The following EPB41L5 variants were observed in gnomAD, a reference collection of about 807,000 sequenced individuals.
EPB41L5 encodes band 4.1-like protein 5.
EPB41L5 carries 55 observed loss-of-function variants against 106.6 expected under a neutral mutation model. The ratio of observed to expected loss-of-function variants is 0.52; its 90% confidence interval spans 0.42 to 0.65. The LOEUF (loss-of-function observed/expected upper bound fraction) is 0.65. Ranked by LOEUF, EPB41L5 falls within the 30% of genes least tolerant of loss-of-function variation. The pLI is 0.00. For missense variants in EPB41L5, 871 were observed against 882.1 expected (o/e 0.99, Z 0.16); for synonymous variants, 297 against 306.7 (o/e 0.97, Z 0.33).
At chr2:120,145,594 G>A (rs1378136745) in intron 19 of EPB41L5, among the ~76,000 whole-genome samples, 1 of 152,090 alleles carries the variant, frequency 6.6e-6, no homozygotes, top group Non-Finnish European at 1.5e-5. Flanking sequence ...CATGATGTTG[G>A]CTAAACACTT....
intron 20 of EPB41L5, among the ~76,000 whole-genome samples, chr2:120,155,878 A>G (rs959583812): frequency 3.9e-5 from 6 of 151,926 alleles, no homozygotes; most frequent in South Asian, 4.1e-4. Flanking sequence ...TCCGGCCCCC[A>G]GCGACTCCAA....
chr2:120,116,198 T>G (rs1019415157), intron 16 of EPB41L5, among the ~76,000 whole-genome samples: 4 of 152,230 alleles, frequency 2.6e-5, no homozygotes, highest in Non-Finnish European at 4.4e-5. Context: ...ATGTAAACTT[T>G]GCTTCTATAG....
At chr2:120,098,156 TTGTGTG>T (rs60975047) in intron 14 of EPB41L5, among the ~76,000 whole-genome samples, 12 of 133,664 alleles carry the variant, frequency 9.0e-5, no homozygotes, top group African/African-American at 2.9e-4. Flanking sequence ...ATTGTTTGTT[TTGTGTG>T]TGTGTGTGTG....
chr2:120,086,990 A>G (rs1483427569), intron 10 of EPB41L5, among the ~76,000 whole-genome samples, 181 bp from the exon 11 acceptor site: 1 of 152,128 alleles, frequency 6.6e-6, no homozygotes, highest in Non-Finnish European at 1.5e-5. Context: ...TTGCTTTTGA[A>G]ATATGTACTG....
At chr2:120,115,519 G>A (rs780840071) in intron 16 of EPB41L5, among the ~76,000 whole-genome samples, 1 of 151,650 alleles carries the variant, frequency 6.6e-6, no homozygotes, top group Non-Finnish European at 1.5e-5. Context: ...CTGAGTAGCT[G>A]GGATTACAGG....
At position 120,059,561 on chromosome 2, in the gene EPB41L5, A is replaced by G. The variant is rs543594986; in HGVS notation, c.286-13617A>G. On this transcript the variant is annotated intron_variant, in intron 3 of 24. Coordinates refer to ENST00000263713, the MANE Select transcript of EPB41L5 (RefSeq NM_020909.4). ...GAAGCTAAGCTACAGACTGGGAGAA[A>G]GTATTCGTATATCACACATCTGACC... 2.6e-5 allele frequency among the ~76,000 whole-genome samples: 4 copies of G among 152,328 alleles called. No homozygotes were observed. In the South Asian group the frequency reaches 8.3e-4, roughly 32 times the overall value.
chr2:120,143,161 G>A (rs373448777), intron 19 of EPB41L5, 30 bp downstream of exon 19: 2 of 1,533,634 alleles, frequency 1.3e-6, no homozygotes, highest in Non-Finnish European at 1.7e-6. Flanking sequence ...TAGCCCTGGT[G>A]AAGTGAAATG....
intron 18 of EPB41L5, among the ~76,000 whole-genome samples, chr2:120,140,538 G>A (rs1245383897): frequency 1.3e-5 from 2 of 151,990 alleles, no homozygotes; most frequent in Non-Finnish European, 2.9e-5. Flanking sequence ...TAGTCAACTT[G>A]AGTAGAAGTT....
intron 16 of EPB41L5, among the ~76,000 whole-genome samples, chr2:120,122,122 G>T (rs1303541300): frequency 6.6e-6 from 1 of 152,150 alleles, no homozygotes; most frequent in Admixed American, 6.5e-5. Flanking sequence ...CCATTCTGTA[G>T]GTTGCCTGTT....
intron 3 of EPB41L5, 74 bp downstream of exon 3, chr2:120,042,184 A>G (rs573434539): frequency 2.7e-6 from 3 of 1,114,546 alleles, no homozygotes; most frequent in African/African-American, 3.1e-5. Flanking sequence ...ACTAATTGCT[A>G]TAAGGCTTCC....
intron 23 of EPB41L5, 38 bp downstream of exon 23, chr2:120,167,545 C>T (rs2105559747): frequency 6.2e-7 from 1 of 1,603,182 alleles, no homozygotes; most frequent in Non-Finnish European, 8.5e-7. Context: ...TTCTGGCTAC[C>T]CTTTCAGGGT....
At chr2:120,013,247 T>A (rs115502699) in intron 1 of EPB41L5, 37 bp downstream of exon 1, 4 of 151,910 alleles carry the variant, frequency 2.6e-5, no homozygotes, top group South Asian at 2.1e-4. Flanking sequence ...CGCAGTACAG[T>A]CCGCTGCGCT....
chr2:120,050,213 C>T (rs1194283656), intron 3 of EPB41L5, among the ~76,000 whole-genome samples: 3 of 152,132 alleles, frequency 2.0e-5, no homozygotes, highest in East Asian at 3.8e-4. Flanking sequence ...GTTGGCCTGC[C>T]TCGCTAGGTT....
intron 2 of EPB41L5, among the ~76,000 whole-genome samples, chr2:120,039,659 C>T (rs1229503818): frequency 3.3e-5 from 5 of 151,912 alleles, no homozygotes; most frequent in Non-Finnish European, 5.9e-5. Flanking sequence ...AATCCCATCT[C>T]TACTAAAAAT....
intron 3 of EPB41L5, among the ~76,000 whole-genome samples, chr2:120,043,515 C>T (rs954159029): frequency 5.3e-5 from 8 of 151,938 alleles, no homozygotes; most frequent in Admixed American, 3.3e-4. Flanking sequence ...CCACTACACT[C>T]CAGCTTGGGT....
rs988017563 is a variant in EPB41L5, at chr2:120,106,472, A to C, written c.1337+5658A>C. ...AATAAATTGTCACCAACCTATTTAC[A>C]CTCTACATTTTATTATGCCTAAAGA... On this transcript the variant is annotated intron_variant, in intron 16 of 24. Transcript: ENST00000263713. 33 of 985,070 alleles carry C rather than the reference A, an allele frequency of 3.4e-5. No homozygotes were observed. The African/African-American group carries it at 5.2e-4, about 16-fold the overall frequency. 61.0% of individuals were successfully genotyped at this position (985,070 alleles called of 1,614,324 possible). A position where few individuals can be genotyped will look rare whatever the true frequency, so the allele number is the denominator to read the frequency against.
chr2:120,131,675 T>C lies in EPB41L5; in HGVS notation c.1559T>C (p.Leu520Pro). The C allele has an allele frequency of 1.2e-6, 2 of 1,613,958 alleles. No individual in the cohort carries two copies. Among genetic ancestry groups the C allele is most frequent in the Non-Finnish European group, 8.5e-7 (1 of 1,179,890 alleles). Residue 520 changes from leucine (L) to proline (P), a missense_variant, in exon 18 of 25, where the codon CTG becomes CCG. Physicochemically the swap from Leu to Pro is moderately conservative, Grantham distance 98 (BLOSUM62 -3). Coordinates refer to ENST00000263713, the MANE Select transcript of EPB41L5 (RefSeq NM_020909.4). ...CTTGAGATGGAGAACAGTCCTTTGC[T>C]GTCCCCTCGATCCAACATCGATGTT... is the stretch of plus-strand genomic sequence containing the variant. ...KQLEMENSPL[L>P]SPRSNIDVNI...
At chr2:120,142,113 TAAAAA>T (rs59204598) in intron 18 of EPB41L5, among the ~76,000 whole-genome samples, 8,712 of 143,096 alleles carry the variant, frequency 0.061, 295 homozygotes, top group African/African-American at 0.081. Context: ...CTTTCTTTTT[TAAAAA>T]AAAAAAAAAA....
At chr2:120,093,332 G>T in intron 14 of EPB41L5, 56 bp downstream of exon 14, 1 of 1,416,432 alleles carries the variant, frequency 7.1e-7, no homozygotes, top group Non-Finnish European at 1.0e-6. Context: ...TTATGTAGTT[G>T]CTATCATTAA....
Sources: allele counts gnomAD v4.1 joint callset (sites outside exome capture counted in the v4.1 genomes callset), GRCh38; gene constraint gnomAD v4.1.1; transcripts MANE v1.5; gene names NCBI Gene and HGNC (gene_info 2026-07-23, HGNC 2026-07-21).